Variants in REEP1 observed in about 807,000 individuals in gnomAD.
REEP1 encodes receptor accessory protein 1, also known as receptor expression-enhancing protein 1.
A neutral mutation model predicts 40.3 loss-of-function variants in REEP1; 22 were observed. That is an observed-to-expected ratio of 0.55 (90% CI 0.39 to 0.78). The LOEUF (loss-of-function observed/expected upper bound fraction) is 0.78. REEP1 is among the 30% of genes least tolerant of loss of function. REEP1 has a pLI of 0.00. For missense variants in REEP1, 280 were observed against 361.1 expected, an observed-to-expected ratio of 0.78 and a Z score of 1.82; for synonymous variants, 116 against 139.2, an observed-to-expected ratio of 0.83 and a Z score of 1.17.
chr2:86,270,643 G>A (rs1677392815), intron 2 of REEP1, among the ~76,000 whole-genome samples: 1 of 152,134 alleles, frequency 6.6e-6, no homozygotes, highest in African/African-American at 2.4e-5. Flanking sequence ...CACAATATCT[G>A]AAATGAAACA....
intron 8 of REEP1, among the ~76,000 whole-genome samples, chr2:86,219,055 C>A (rs533721583): frequency 5.9e-5 from 9 of 152,292 alleles, no homozygotes; most frequent in Non-Finnish European, 8.8e-5. Flanking sequence ...TGACTCCCTA[C>A]CCACATCACA....
intron 1 of REEP1, among the ~76,000 whole-genome samples, chr2:86,320,073 C>T (rs576623408): frequency 1.6e-4 from 25 of 152,276 alleles, no homozygotes; most frequent in African/African-American, 5.8e-4. Flanking sequence ...GCACTGTGTG[C>T]CAGCAGCACT....
rs111826699 is a variant in REEP1, at chr2:86,245,966, A to T, written c.417+5991T>A. Among the ~76,000 whole-genome samples the T allele has an allele frequency of 3.3e-3, 504 of 152,016 alleles. 6 individuals are homozygous for T. The highest frequency in any genetic ancestry group is 0.022 in the East Asian group (116 of 5,174). ...TTTTTAGTAGAGACGGGGTTTCACCATGTTAGCCAGGATGGTCTCGATCTC... is the reference window on the plus strand; with the variant it reads ...TTTTTAGTAGAGACGGGGTTTCACCTTGTTAGCCAGGATGGTCTCGATCTC... On this transcript the variant is annotated intron_variant, in intron 5 of 8. Coordinates refer to ENST00000538924, the MANE Select transcript of REEP1 (RefSeq NM_001371279.1).
chr2:86,227,122 A>G (rs1023192371), intron 7 of REEP1, among the ~76,000 whole-genome samples: 4 of 152,218 alleles, frequency 2.6e-5, no homozygotes, highest in Non-Finnish European at 4.4e-5. Flanking sequence ...CCAGGCTGAC[A>G]TCTTGACTGC....
chr2:86,269,130 C>T (rs150314768), intron 2 of REEP1, among the ~76,000 whole-genome samples: 1,930 of 152,262 alleles, frequency 0.013, 46 homozygotes, highest in African/African-American at 0.043. Flanking sequence ...AGAAAAAAAT[C>T]GTTAAGTTGG....
At chr2:86,237,737 G>C (rs1675438515) in intron 5 of REEP1, among the ~76,000 whole-genome samples, 1 of 152,014 alleles carries the variant, frequency 6.6e-6, no homozygotes, top group African/African-American at 2.4e-5. Context: ...TGGTCAGGCT[G>C]GTCTCGAACT....
chr2:86,239,561 G>A (rs1675560494), intron 5 of REEP1, among the ~76,000 whole-genome samples: 1 of 152,160 alleles, frequency 6.6e-6, no homozygotes, highest in Non-Finnish European at 1.5e-5. Flanking sequence ...CCCATGGGGT[G>A]CCCGCCTCAC....
At chr2:86,218,975 G>A (rs928520187) in intron 8 of REEP1, among the ~76,000 whole-genome samples, 8 of 152,182 alleles carry the variant, frequency 5.3e-5, no homozygotes, top group Non-Finnish European at 1.2e-4. Context: ...TCAGCAGATG[G>A]GGAATAGGAG....
chr2:86,232,106 G>A (rs919359365), intron 6 of REEP1, among the ~76,000 whole-genome samples: 3 of 152,198 alleles, frequency 2.0e-5, no homozygotes, highest in Non-Finnish European at 2.9e-5. Flanking sequence ...TGCAGAGGCT[G>A]GGGGTGGTGT....
chr2:86,266,984 G>A (rs1395752863), intron 2 of REEP1, among the ~76,000 whole-genome samples: 2 of 151,530 alleles, frequency 1.3e-5, no homozygotes, highest in Admixed American at 6.6e-5. Flanking sequence ...TCCAGCCTGG[G>A]TGACAGAGCA....
At position 86,247,237 on chromosome 2, in the gene REEP1, ACAG is replaced by A. The variant is rs1408583299; in HGVS notation, c.417+4717_417+4719del. Among the ~76,000 whole-genome samples, 26 of 152,256 alleles carry A rather than the reference ACAG, an allele frequency of 1.7e-4. 1 individual carries two copies. The East Asian group carries it at 4.5e-3, about 26-fold the overall frequency. ...AGAAGTGTTTCCTCAGGAAGGACGC[ACAG>A]CAGTTTTCACTCAAAGAAAGATGCA... On this transcript the variant is annotated intron_variant, in intron 5 of 8. Coordinates refer to ENST00000538924, the MANE Select transcript of REEP1 (RefSeq NM_001371279.1).
chr2:86,297,831 GGGTCCCT>G, intron 1 of REEP1: 1 of 459,086 alleles, frequency 2.2e-6, no homozygotes, highest in Non-Finnish European at 2.9e-6. Flanking sequence ...GGTCCAGCCT[GGGTCCCT>G]CTCAAAATAA....
At position 86,219,842 on chromosome 2, in the gene REEP1, A is replaced by G. The variant is rs149019046; in HGVS notation, c.783+128T>C. 2,079 of 609,654 alleles carry G rather than the reference A, an allele frequency of 3.4e-3. 13 individuals carry two copies. Among genetic ancestry groups the G allele is most frequent in the Middle Eastern group, 0.018 (37 of 2,042 alleles). The allele number at this position is 609,654 out of a possible 1,614,324, so 37.8% of individuals were successfully genotyped here. A position where few individuals can be genotyped will look rare whatever the true frequency, so the allele number is the denominator to read the frequency against. ...CTGGTTCTGCTTGTTTGATGGAAGG[A>G]GATCTTTCCACCCCAGGTATTGAGG... On this transcript the variant is annotated intron_variant, in intron 8 of 8. Coordinates refer to ENST00000538924, the MANE Select transcript of REEP1 (RefSeq NM_001371279.1).
intron 2 of REEP1, among the ~76,000 whole-genome samples, chr2:86,277,555 CAAAAA>C (rs546202828): frequency 8.5e-6 from 1 of 118,236 alleles, no homozygotes. Flanking sequence ...GACTCTGTAT[CAAAAA>C]AAAAAAAAAA....
intron 1 of REEP1, among the ~76,000 whole-genome samples, chr2:86,331,898 C>T (rs1680783007): frequency 6.6e-6 from 1 of 152,172 alleles, no homozygotes; most frequent in Non-Finnish European, 1.5e-5. Context: ...CCTAACTCAG[C>T]TTCTTGCTCC....
intron 1 of REEP1, among the ~76,000 whole-genome samples, chr2:86,322,774 T>C (rs945288972): frequency 3.9e-5 from 6 of 151,982 alleles, no homozygotes. Flanking sequence ...TTTTTAATTA[T>C]CTGGGCGTGG....
chr2:86,297,618 C>T (rs1346689580), intron 1 of REEP1: 2 of 814,104 alleles, frequency 2.5e-6, no homozygotes, highest in Non-Finnish European at 3.0e-6. Flanking sequence ...ACAGCCACTA[C>T]CTGCAAGAGA....
chr2:86,220,703 GTTTGT>G (rs561681757), intron 7 of REEP1, among the ~76,000 whole-genome samples: 106 of 83,398 alleles, frequency 1.3e-3, no homozygotes, highest in Non-Finnish European at 2.8e-3. Context: ...TAGTTTTTTT[GTTTGT>G]TTTTTTTTTT....
intron 1 of REEP1, among the ~76,000 whole-genome samples, chr2:86,298,816 T>C (rs1679120977): frequency 6.6e-6 from 1 of 152,194 alleles, no homozygotes; most frequent in Non-Finnish European, 1.5e-5. Flanking sequence ...CAAAAGGGGA[T>C]CGCTTTTTGC....
Sources: allele counts gnomAD v4.1 joint callset (sites outside exome capture counted in the v4.1 genomes callset), GRCh38; gene constraint gnomAD v4.1.1; transcripts MANE v1.5; gene names NCBI Gene and HGNC (gene_info 2026-07-23, HGNC 2026-07-21).